Variants in CACNA2D1 observed in about 807,000 individuals in gnomAD.
CACNA2D1 encodes the protein voltage-dependent calcium channel subunit alpha-2/delta-1.
In CACNA2D1, 53 loss-of-function variants were observed where a neutral mutation model predicts 171.5. The ratio of observed to expected loss-of-function variants is 0.31; its 90% CI spans 0.25 to 0.39. The LOEUF (loss-of-function observed/expected upper bound fraction) is 0.39, where lower values mean the gene tolerates loss of function less well. Among genes scored for constraint, CACNA2D1 ranks in the 10% least tolerant of loss-of-function variants. The pLI is 1.00. For missense variants in CACNA2D1, 903 were observed against 1,299.8 expected (o/e 0.69, Z 4.69); for synonymous variants, 442 against 443.1 (o/e 1.00, Z 0.03).
At chr7:82,139,639 A>G (rs2129084646) in intron 4 of CACNA2D1, among the ~76,000 whole-genome samples, 1 of 152,298 alleles carries the variant, frequency 6.6e-6, no homozygotes, top group South Asian at 2.1e-4. Flanking sequence ...GGCTTTCTGG[A>G]TTCTGGATTG....
At chr7:82,206,854 T>C (rs1800047118) in intron 3 of CACNA2D1, among the ~76,000 whole-genome samples, 1 of 152,206 alleles carries the variant, frequency 6.6e-6, no homozygotes, top group Admixed American at 6.5e-5. Context: ...ATGAAACTTA[T>C]GTATTATTTT....
intron 3 of CACNA2D1, among the ~76,000 whole-genome samples, chr7:82,271,264 C>T (rs564842635): frequency 6.6e-6 from 1 of 151,998 alleles, no homozygotes; most frequent in Non-Finnish European, 1.5e-5. Context: ...AAACTAGATC[C>T]CCTCTAGTCC....
intron 1 of CACNA2D1, among the ~76,000 whole-genome samples, chr7:82,351,944 T>A (rs1012385264): frequency 3.9e-5 from 6 of 151,996 alleles, no homozygotes; most frequent in African/African-American, 1.5e-4. Flanking sequence ...ACGTTATACA[T>A]CCCTTTAGCT....
intron 11 of CACNA2D1, chr7:82,033,216 G>T: frequency 4.8e-6 from 1 of 207,850 alleles, no homozygotes; most frequent in East Asian, 1.0e-4. Flanking sequence ...TTTCTTCATA[G>T]CATTTTACTT....
intron 6 of CACNA2D1, among the ~76,000 whole-genome samples, chr7:82,092,513 C>G (rs1341286009): frequency 1.3e-5 from 2 of 148,874 alleles, no homozygotes; most frequent in Non-Finnish European, 3.0e-5. Context: ...ATTGGGACTA[C>G]GGGCACCCAC....
At chr7:81,986,584 T>A (rs1796999808) in intron 21 of CACNA2D1, among the ~76,000 whole-genome samples, 1 of 151,940 alleles carries the variant, frequency 6.6e-6, no homozygotes, top group Non-Finnish European at 1.5e-5. Context: ...AAAGCAAGGG[T>A]TTATTTGCTA....
chr7:82,235,072 T>G (rs186783596), intron 3 of CACNA2D1, among the ~76,000 whole-genome samples: 9 of 152,234 alleles, frequency 5.9e-5, no homozygotes, highest in African/African-American at 1.7e-4. Context: ...TACCAAAATA[T>G]GCTCCCCTGG....
chr7:82,285,614 T>C (rs1297972288), intron 3 of CACNA2D1, among the ~76,000 whole-genome samples: 1 of 152,166 alleles, frequency 6.6e-6, no homozygotes, highest in Admixed American at 6.5e-5. Context: ...GGATCCACTA[T>C]GATTAGTGGA....
intron 3 of CACNA2D1, among the ~76,000 whole-genome samples, chr7:82,188,464 C>A (rs183042997): frequency 6.6e-6 from 1 of 151,886 alleles, no homozygotes; most frequent in Non-Finnish European, 1.5e-5. Context: ...CTAAATAAAT[C>A]GGTAATATAA....
chr7:82,193,984 C>T (rs1426581154), intron 3 of CACNA2D1, among the ~76,000 whole-genome samples: 3 of 151,758 alleles, frequency 2.0e-5, no homozygotes, highest in African/African-American at 4.8e-5. Context: ...CACTGGAATC[C>T]CACTATAATA....
intron 2 of CACNA2D1, among the ~76,000 whole-genome samples, chr7:82,343,783 C>T (rs1009084271): frequency 3.3e-5 from 5 of 152,098 alleles, no homozygotes; most frequent in Non-Finnish European, 7.4e-5. Context: ...AAAGATCATA[C>T]TAAATTCATT....
At chr7:82,435,076 C>T (rs1158385068) in intron 1 of CACNA2D1, among the ~76,000 whole-genome samples, 1 of 133,152 alleles carries the variant, frequency 7.5e-6, no homozygotes, top group African/African-American at 2.8e-5. Flanking sequence ...CACTCTGTCA[C>T]CCAGGCTGGA....
At chr7:82,405,853 T>C (rs1304277568) in intron 1 of CACNA2D1, among the ~76,000 whole-genome samples, 1 of 152,102 alleles carries the variant, frequency 6.6e-6, no homozygotes, top group Non-Finnish European at 1.5e-5. Context: ...TCAGAAATCA[T>C]AGCTTTGGTG....
intron 12 of CACNA2D1, among the ~76,000 whole-genome samples, chr7:82,024,117 T>C (rs1222347226): frequency 6.6e-6 from 1 of 151,784 alleles, no homozygotes; most frequent in Non-Finnish European, 1.5e-5. Context: ...GTAATGAATA[T>C]AGAAGTACTC....
chr7:82,303,579 T>C (rs888874134), intron 3 of CACNA2D1, among the ~76,000 whole-genome samples: 4 of 151,738 alleles, frequency 2.6e-5, no homozygotes, highest in African/African-American at 7.3e-5. Flanking sequence ...GGCATTGCTA[T>C]AAAAATAGAC....
At chr7:82,188,961 A>G (rs1379620679) in intron 3 of CACNA2D1, among the ~76,000 whole-genome samples, 1 of 152,022 alleles carries the variant, frequency 6.6e-6, no homozygotes. Context: ...AGTGAGAGCT[A>G]AACACTGAAT....
At chr7:82,017,091 G>A (rs539578460) in intron 12 of CACNA2D1, among the ~76,000 whole-genome samples, 6 of 151,740 alleles carry the variant, frequency 4.0e-5, no homozygotes, top group African/African-American at 9.7e-5. Flanking sequence ...TTGGTTTTAC[G>A]TATATGTATG....
rs1049929631 is a variant in CACNA2D1, at chr7:82,049,364, C to T, written c.879+11064G>A. ...TCCATTTCTTCCTGTTTTAAGACCT[C>T]CTCCCATCCCCAAAGAAACAAATGT... is the stretch of plus-strand genomic sequence containing the variant. On this transcript the variant is annotated intron_variant, in intron 10 of 38. Transcript: ENST00000356860. Among the ~76,000 whole-genome samples the T allele has an allele frequency of 7.2e-5, 11 of 152,036 alleles. 1 individual carries two copies. Among genetic ancestry groups the T allele is most frequent in the Non-Finnish European group, 7.4e-5 (5 of 68,002 alleles).
intron 3 of CACNA2D1, among the ~76,000 whole-genome samples, chr7:82,180,388 C>A (rs1249871923): frequency 6.6e-6 from 1 of 152,046 alleles, no homozygotes; most frequent in South Asian, 2.1e-4. Context: ...GATACTGATG[C>A]GAACACAAAG....
Sources: allele counts gnomAD v4.1 joint callset (sites outside exome capture counted in the v4.1 genomes callset), GRCh38; gene constraint gnomAD v4.1.1; transcripts MANE v1.5; gene names NCBI Gene and HGNC (gene_info 2026-07-23, HGNC 2026-07-21).